The following ARMH4 variants were observed in gnomAD, a reference collection of about 807,000 sequenced individuals.
ARMH4 encodes armadillo-like helical domain-containing protein 4.
In ARMH4, 49 loss-of-function variants were observed where a neutral mutation model predicts 61.9. The observed-to-expected ratio is 0.79, with a 90% CI of 0.63 to 1.00. The LOEUF is 1.00. Among genes scored for constraint, ARMH4 ranks in the 50% least tolerant of loss-of-function variants. The pLI is 0.00. For synonymous variants in ARMH4, 368 were observed against 341.5 expected (o/e 1.08, Z -0.85); for missense variants, 934 against 930.0 (o/e 1.00, Z -0.06).
Position 58,139,205 on chromosome 14 carries a change from T to C in ARMH4, c.154A>G (p.Thr52Ala), listed in dbSNP as rs779389359. The change falls in exon 2 of 8, where the codon ACC becomes GCC. Residue 52 changes from threonine to alanine, a missense_variant. Physicochemically the swap from Thr to Ala is moderately conservative, Grantham distance 58. Transcript: ENST00000267485. The stretch of plus-strand genomic sequence containing the variant: ...ACAGAGCTATTTTCTAGGTCATCGG[T>C]GTTCATCTTATCGGACTGCCCTTTT... ...AEKGQSDKMN[T>A]DDLENSSVTS... is the part of the protein sequence containing the mutation. 13 of 1,614,242 alleles carry C rather than the reference T, an allele frequency of 8.1e-6. No homozygotes were observed. The highest frequency in any genetic ancestry group is 1.1e-5 in the Non-Finnish European group (13 of 1,180,040).
chr14:58,132,356 G>A (rs1396810501), intron 3 of ARMH4, among the ~76,000 whole-genome samples: 2 of 152,246 alleles, frequency 1.3e-5, no homozygotes, highest in East Asian at 3.9e-4. Context: ...ATTTAGAGGT[G>A]AACAAACCAA....
At chr14:58,124,366 C>T (rs1886829433) in intron 4 of ARMH4, among the ~76,000 whole-genome samples, 1 of 152,160 alleles carries the variant, frequency 6.6e-6, no homozygotes, top group Non-Finnish European at 1.5e-5. Flanking sequence ...CCATGGCATA[C>T]CTGAGTAAGG....
intron 5 of ARMH4, among the ~76,000 whole-genome samples, chr14:58,074,684 G>A (rs188283723): frequency 6.6e-6 from 1 of 152,198 alleles, no homozygotes; most frequent in East Asian, 1.9e-4. Flanking sequence ...ACCATACCAT[G>A]CAATAGACGT....
chr14:58,027,442 T>C (rs1883058966), intron 5 of ARMH4, among the ~76,000 whole-genome samples: 1 of 152,220 alleles, frequency 6.6e-6, no homozygotes, highest in South Asian at 2.1e-4. Context: ...TAGTTACATG[T>C]TCAGGGAGGA....
intron 5 of ARMH4, among the ~76,000 whole-genome samples, chr14:58,045,145 A>G (rs889130208): frequency 1.3e-5 from 2 of 152,230 alleles, no homozygotes; most frequent in Non-Finnish European, 2.9e-5. Flanking sequence ...TCATGCTGCT[A>G]TAAAGACACA....
chr14:58,087,959 T>C (rs1885433638), intron 5 of ARMH4, among the ~76,000 whole-genome samples: 1 of 152,218 alleles, frequency 6.6e-6, no homozygotes, highest in Non-Finnish European at 1.5e-5. Context: ...CTTGGCCAGT[T>C]CTCTTTCTGA....
chr14:58,043,506 T>C (rs975317609), intron 5 of ARMH4, among the ~76,000 whole-genome samples: 1 of 152,164 alleles, frequency 6.6e-6, no homozygotes, highest in African/African-American at 2.4e-5. Flanking sequence ...TCATACTGAA[T>C]GGGCAAAAAC....
In ARMH4 at chr14:58,005,187, A is replaced by G. The variant is rs1252408573; in HGVS notation, c.2122-5T>C. 2.5e-6 allele frequency: 4 copies of G among 1,613,926 alleles called. No individual in the cohort carries two copies. The highest frequency in any genetic ancestry group is 3.4e-6 in the Non-Finnish European group (4 of 1,179,880). On this transcript the variant is annotated splice_region_variant and splice_polypyrimidine_tract_variant and intron_variant, in intron 6 of 7. Transcript: ENST00000267485. Reference sequence around the variant, plus strand: ...CATCCCAGACATGTAACCAGCCTGCATAGAAAAGGAAACACACATTAGGAT... The same window carrying G: ...CATCCCAGACATGTAACCAGCCTGCGTAGAAAAGGAAACACACATTAGGAT...
At chr14:58,009,415 G>C (rs1398700398) in intron 6 of ARMH4, among the ~76,000 whole-genome samples, 3 of 152,080 alleles carry the variant, frequency 2.0e-5, no homozygotes, top group African/African-American at 7.2e-5. Flanking sequence ...GTGACCTTGG[G>C]AATGAAGGTC....
At chr14:58,067,896 T>A (rs182169441) in intron 5 of ARMH4, among the ~76,000 whole-genome samples, 27 of 152,266 alleles carry the variant, frequency 1.8e-4, no homozygotes, top group African/African-American at 4.8e-4. Context: ...TGAAAGTTCA[T>A]GTAAGGAAAA....
At chr14:58,034,003 C>T (rs1190583293) in intron 5 of ARMH4, among the ~76,000 whole-genome samples, 1 of 108,610 alleles carries the variant, frequency 9.2e-6, no homozygotes, top group Non-Finnish European at 2.0e-5. Flanking sequence ...AGGAGAACTT[C>T]CCCAATCTAG....
At chr14:58,042,719 G>T (rs926966033) in intron 5 of ARMH4, among the ~76,000 whole-genome samples, 1 of 152,088 alleles carries the variant, frequency 6.6e-6, no homozygotes, top group African/African-American at 2.4e-5. Flanking sequence ...AAGAATAAAA[G>T]AGAGAAGAAT....
chr14:58,069,254 G>A (rs979480687), intron 5 of ARMH4, among the ~76,000 whole-genome samples: 20 of 152,062 alleles, frequency 1.3e-4, no homozygotes, highest in African/African-American at 3.1e-4. Context: ...TGCAGAGTAC[G>A]TTCATTCATT....
At chr14:58,133,713 G>A (rs1437114279) in intron 2 of ARMH4, among the ~76,000 whole-genome samples, 1 of 152,190 alleles carries the variant, frequency 6.6e-6, no homozygotes, top group Non-Finnish European at 1.5e-5. Context: ...AGAAACATTT[G>A]TATACAGTGT....
intron 5 of ARMH4, among the ~76,000 whole-genome samples, chr14:58,029,291 T>G (rs111317850): frequency 0.031 from 4,777 of 152,084 alleles, 91 homozygotes; most frequent in Middle Eastern, 0.075. Flanking sequence ...TGGAGTGCAA[T>G]GGCGCAATCT....
chr14:58,087,972 T>C (rs1312761495), intron 5 of ARMH4, among the ~76,000 whole-genome samples: 1 of 152,200 alleles, frequency 6.6e-6, no homozygotes, highest in Admixed American at 6.5e-5. Flanking sequence ...CTTTCTGACT[T>C]TTGGTTCTAA....
At chr14:58,042,857 A>C (rs1281668100) in intron 5 of ARMH4, among the ~76,000 whole-genome samples, 4 of 152,222 alleles carry the variant, frequency 2.6e-5, no homozygotes, top group African/African-American at 4.8e-5. Flanking sequence ...GAAATGGATA[A>C]ATTCCTAGAC....
Position 58,108,322 on chromosome 14 carries a change from T to C in ARMH4, c.1832-11341A>G, listed in dbSNP as rs561080078. ...CATTTTTATCATGTAATAGGAGATA[T>C]ATATTAGACTATATACATATACCGT... On this transcript the variant is annotated intron_variant, in intron 4 of 7. Coordinates refer to ENST00000267485, the MANE Select transcript of ARMH4 (RefSeq NM_001001872.4). 2.8e-4 allele frequency among the ~76,000 whole-genome samples: 43 copies of C among 152,330 alleles called. No individual in the cohort carries two copies. In the South Asian group the frequency reaches 6.6e-3, roughly 23 times the overall value.
rs529196256 is a variant in ARMH4 at position 58,060,388 on chromosome 14, T to C, written c.2089+36336A>G. On this transcript the variant is annotated intron_variant, in intron 5 of 7. Transcript: ENST00000267485. ...TTTATTCTAACTCGTGGAAGGCAAT[T>C]TGGTCCTAATTCTAACAGATAAATT... is the stretch of plus-strand genomic sequence containing the variant. 1.9e-3 allele frequency among the ~76,000 whole-genome samples: 286 copies of C among 152,308 alleles called. 1 individual carries two copies. Among genetic ancestry groups the C allele is most frequent in the Non-Finnish European group, 2.9e-3 (199 of 68,020 alleles).
Sources: allele counts gnomAD v4.1 joint callset (sites outside exome capture counted in the v4.1 genomes callset), GRCh38; gene constraint gnomAD v4.1.1; transcripts MANE v1.5; gene names NCBI Gene and HGNC (gene_info 2026-07-23, HGNC 2026-07-21).